Variants in CTIF observed in about 807,000 individuals in gnomAD.
CTIF encodes cap binding complex dependent translation initiation factor, also known as CBP80/20-dependent translation initiation factor.
Under a neutral mutation model 66.0 loss-of-function variants are expected in CTIF, and 21 were observed. The ratio of observed to expected loss-of-function variants is 0.32; its 90% CI spans 0.23 to 0.46. The LOEUF (loss-of-function observed/expected upper bound fraction) is 0.46. CTIF is among the 20% of genes least tolerant of loss of function. The pLI is 1.00. For synonymous variants in CTIF, 345 were observed against 326.4 expected (o/e 1.06, Z -0.62); for missense variants, 739 against 812.7 (o/e 0.91, Z 1.10).
chr18:48,728,089 T>A (rs2092400930), intron 7 of CTIF, among the ~76,000 whole-genome samples: 1 of 152,318 alleles, frequency 6.6e-6, no homozygotes, highest in African/African-American at 2.4e-5. Flanking sequence ...TTAAGTACAT[T>A]TTCTGCTTTT....
intron 1 of CTIF, among the ~76,000 whole-genome samples, chr18:48,541,094 G>T (rs2088605217): frequency 6.6e-6 from 1 of 152,192 alleles, no homozygotes; most frequent in South Asian, 2.1e-4. Flanking sequence ...GCACCGAGGC[G>T]TTCTATGGGT....
intron 10 of CTIF, among the ~76,000 whole-genome samples, chr18:48,857,093 G>A (rs1012228464): frequency 1.3e-5 from 2 of 152,214 alleles, no homozygotes; most frequent in African/African-American, 4.8e-5. Context: ...ACAGCACTGG[G>A]CCAGTGGAGA....
At chr18:48,755,724 A>T (rs1908292347) in intron 7 of CTIF, 1 of 152,254 alleles carries the variant, frequency 6.6e-6, no homozygotes, top group Non-Finnish European at 1.5e-5. Context: ...AGGATGAAAA[A>T]TGCCACACAG....
At chr18:48,730,656 T>C (rs1376132456) in intron 7 of CTIF, among the ~76,000 whole-genome samples, 7 of 103,780 alleles carry the variant, frequency 6.7e-5, no homozygotes, top group Admixed American at 2.8e-4. Context: ...GTGAGGGGCT[T>C]CTGCGGTGTG....
intron 1 of CTIF, among the ~76,000 whole-genome samples, chr18:48,591,242 A>G (rs1472730704): frequency 6.6e-6 from 1 of 152,218 alleles, no homozygotes; most frequent in African/African-American, 2.4e-5. Flanking sequence ...GACTCTTCTA[A>G]GGCAGTCTTC....
At chr18:48,819,415 G>T (rs2068436154) in intron 10 of CTIF, among the ~76,000 whole-genome samples, 1 of 152,228 alleles carries the variant, frequency 6.6e-6, no homozygotes, top group Non-Finnish European at 1.5e-5. Context: ...GCAGTGACCT[G>T]AATTGCCCCA....
intron 10 of CTIF, among the ~76,000 whole-genome samples, chr18:48,830,463 G>A (rs1310483290): frequency 3.9e-5 from 6 of 152,232 alleles, no homozygotes; most frequent in South Asian, 2.1e-4. Flanking sequence ...GAACCACCGC[G>A]CCCGGCCAGA....
chr18:48,545,336 G>A (rs774126792), intron 1 of CTIF, among the ~76,000 whole-genome samples: 25 of 152,308 alleles, frequency 1.6e-4, no homozygotes, highest in East Asian at 3.9e-4. Flanking sequence ...TGCTTGGATC[G>A]GAAGGGAACA....
At chr18:48,810,630 T>G (rs913983636) in intron 9 of CTIF, among the ~76,000 whole-genome samples, 3 of 151,934 alleles carry the variant, frequency 2.0e-5, no homozygotes, top group Admixed American at 6.6e-5. Context: ...CCTAAGTCAT[T>G]TGTTTTTTAT....
At chr18:48,859,145 G>A (rs2069398948) in intron 11 of CTIF, among the ~76,000 whole-genome samples, 199 bp from the exon 12 acceptor site, 1 of 152,184 alleles carries the variant, frequency 6.6e-6, no homozygotes, top group Non-Finnish European at 1.5e-5. Flanking sequence ...CTGGCAGATT[G>A]GTTGGTAAAT....
intron 7 of CTIF, among the ~76,000 whole-genome samples, chr18:48,722,654 G>A (rs544036594): frequency 4.0e-5 from 6 of 150,790 alleles, no homozygotes; most frequent in African/African-American, 9.9e-5. Flanking sequence ...GTAAGCACCC[G>A]GCCGTACCCA....
rs533423305 is a variant in CTIF, at chr18:48,761,187, T to C, written c.1072-203T>C. On this transcript the variant is annotated intron_variant, in intron 8 of 11. Transcript: ENST00000256413. This position sits in a 1 kb window ranked among gnomAD's most constrained non-coding sequence, Gnocchi z 4.2. Reference sequence around the variant, plus strand: ...AAAACAGTATCAGCCCTGGATGTCATAGGGGCCAAGAAAAAAGGCAACAAG... The same window carrying C: ...AAAACAGTATCAGCCCTGGATGTCACAGGGGCCAAGAAAAAAGGCAACAAG... 6 of 574,706 alleles carry C rather than the reference T, an allele frequency of 1.0e-5. No individual in the cohort carries two copies. Among genetic ancestry groups the C allele is most frequent in the African/African-American group, 3.7e-5 (2 of 53,686 alleles). 35.6% of individuals were successfully genotyped at this position (574,706 alleles called of 1,614,324 possible).
At chr18:48,735,862 G>C (rs937076011) in intron 7 of CTIF, among the ~76,000 whole-genome samples, 1 of 152,196 alleles carries the variant, frequency 6.6e-6, no homozygotes, top group Non-Finnish European at 1.5e-5. Flanking sequence ...ATCTGGGACA[G>C]AGATACTAAA....
At chr18:48,595,068 A>G (rs577218684) in intron 1 of CTIF, among the ~76,000 whole-genome samples, 13 of 152,306 alleles carry the variant, frequency 8.5e-5, no homozygotes, top group Admixed American at 8.5e-4. Context: ...CCCTGTCTCG[A>G]AGCATCAAGT....
In CTIF at chr18:48,553,349, C is replaced by A. The variant is rs559363528; in HGVS notation, c.-29+14037C>A. Among the ~76,000 whole-genome samples the A allele has an allele frequency of 1.7e-4, 26 of 152,354 alleles. 2 individuals are homozygous for A. Among genetic ancestry groups the A allele is most frequent in the African/African-American group, 6.3e-4 (26 of 41,592 alleles). On this transcript the variant is annotated intron_variant, in intron 1 of 11. Transcript: ENST00000256413. The stretch of plus-strand genomic sequence containing the variant: ...AGAGAGAAGCCAGCCACGGGCGTGG[C>A]AAGCCTTGGAGGCCCAAGTTGAGCC...
At chr18:48,768,639 A>G (rs1311768894) in intron 9 of CTIF, among the ~76,000 whole-genome samples, 3 of 152,180 alleles carry the variant, frequency 2.0e-5, no homozygotes, top group African/African-American at 7.2e-5. Flanking sequence ...GTTGGGAGCA[A>G]TGGCTCATGC....
At chr18:48,693,085 G>T (rs1271349960) in intron 6 of CTIF, among the ~76,000 whole-genome samples, 3 of 152,180 alleles carry the variant, frequency 2.0e-5, no homozygotes, top group Non-Finnish European at 4.4e-5. Flanking sequence ...TGATGAATCG[G>T]TGTTAATGAG....
intron 10 of CTIF, among the ~76,000 whole-genome samples, chr18:48,847,451 G>C (rs1255955587): frequency 1.3e-5 from 2 of 152,164 alleles, no homozygotes; most frequent in Admixed American, 6.5e-5. Context: ...CCTGCTGTCT[G>C]TCTGGGTTGT....
chr18:48,689,682 C>T (rs935696203), intron 6 of CTIF, among the ~76,000 whole-genome samples: 2 of 152,188 alleles, frequency 1.3e-5, no homozygotes, highest in Admixed American at 6.5e-5. Context: ...CCCAGGCCAG[C>T]GCAGATGAGC....
Sources: gnomAD v4.1 joint callset for allele counts (sites outside exome capture counted in the v4.1 genomes callset) on GRCh38, gnomAD v4.1.1 for gene constraint, Gnocchi (gnomAD v3.1) non-coding constraint, MANE v1.5 for transcripts, NCBI Gene and HGNC (gene_info 2026-07-23, HGNC 2026-07-21) for gene names.